Variants in SPOP observed in about 807,000 individuals in gnomAD.
SPOP encodes the protein speckle-type POZ protein.
SPOP carries 11 observed loss-of-function variants against 45.6 expected under a neutral mutation model. The observed-to-expected ratio is 0.24, with a 90% CI of 0.15 to 0.40. The LOEUF is 0.40. Among genes scored for constraint, SPOP ranks in the 10% least tolerant of loss-of-function variants. The pLI is 1.00. For missense variants in SPOP, 152 were observed against 465.6 expected (o/e 0.33, Z 6.20); for synonymous variants, 166 against 166.3 (o/e 1.00, Z 0.01).
intron 1 of SPOP, among the ~76,000 whole-genome samples, chr17:49,642,025 CA>C (rs991304404): frequency 1.1e-3 from 150 of 134,120 alleles, no homozygotes; most frequent in African/African-American, 2.3e-3. Flanking sequence ...GACTCCGCCT[CA>C]AAAAAAAAAA....
chr17:49,650,193 T>C (rs571491271), intron 1 of SPOP, among the ~76,000 whole-genome samples: 1 of 151,860 alleles, frequency 6.6e-6, no homozygotes, highest in Non-Finnish European at 1.5e-5. Context: ...ACCCAGCCCA[T>C]AGTTTACTTT....
intron 1 of SPOP, among the ~76,000 whole-genome samples, chr17:49,651,753 T>G (rs1378787816): frequency 2.0e-5 from 3 of 152,186 alleles, no homozygotes; most frequent in Admixed American, 2.0e-4. Flanking sequence ...ACACGATGGC[T>G]CATGCCTGTA....
At chr17:49,625,759 A>G (rs1164319854) in intron 1 of SPOP, among the ~76,000 whole-genome samples, 1 of 152,262 alleles carries the variant, frequency 6.6e-6, no homozygotes, top group African/African-American at 2.4e-5. Context: ...TATACGATAC[A>G]GTAAAAGTAA....
intron 1 of SPOP, among the ~76,000 whole-genome samples, chr17:49,637,936 A>C (rs2072573312): frequency 6.6e-6 from 1 of 152,236 alleles, no homozygotes; most frequent in African/African-American, 2.4e-5. Context: ...GGCTACTCAC[A>C]GGACTGATCA....
chr17:49,620,977 C>CA (rs1420187078), intron 3 of SPOP, among the ~76,000 whole-genome samples: 1 of 152,016 alleles, frequency 6.6e-6, no homozygotes, highest in Non-Finnish European at 1.5e-5. Flanking sequence ...AATATATAGC[C>CA]AAAAAATACT....
intron 1 of SPOP, among the ~76,000 whole-genome samples, chr17:49,665,963 G>C (rs1367228934): frequency 6.7e-6 from 1 of 149,574 alleles, no homozygotes; most frequent in East Asian, 1.9e-4. Flanking sequence ...TAGGCAACAG[G>C]GCGAGACTCC....
intron 1 of SPOP, among the ~76,000 whole-genome samples, chr17:49,664,207 A>ACC (rs2073024045): frequency 6.6e-6 from 1 of 152,208 alleles, no homozygotes; most frequent in South Asian, 2.1e-4. Flanking sequence ...AAGAATATGC[A>ACC]CAATTGTCTG....
At chr17:49,656,102 G>A (rs1403955428) in intron 1 of SPOP, among the ~76,000 whole-genome samples, 5 of 152,112 alleles carry the variant, frequency 3.3e-5, no homozygotes, top group African/African-American at 4.8e-5. Flanking sequence ...GTGAGCCACC[G>A]TGCCCAGCCA....
intron 1 of SPOP, among the ~76,000 whole-genome samples, chr17:49,650,955 C>T (rs2072835712): frequency 6.6e-6 from 1 of 152,180 alleles, no homozygotes; most frequent in Non-Finnish European, 1.5e-5. Flanking sequence ...GATCAAGGAA[C>T]TGAACCCCAA....
At position 49,619,169 on chromosome 17, in the gene SPOP, A is replaced by G. The variant is rs2072160424; in HGVS notation, c.353-61T>C. The G allele has an allele frequency of 2.5e-6, 4 of 1,613,552 alleles. No homozygotes were observed. Among genetic ancestry groups the G allele is most frequent in the Non-Finnish European group, 3.4e-6 (4 of 1,179,864 alleles). ...ACGCAAAAACCAGATCAAAGCCACAACTTGTCAGTGTATGAAACTTCTGGA... is the reference window on the plus strand; with the variant it reads ...ACGCAAAAACCAGATCAAAGCCACAGCTTGTCAGTGTATGAAACTTCTGGA... On this transcript the variant is annotated intron_variant, in intron 4 of 9. Transcript: ENST00000504102. The surrounding 1 kb of genome is among the most constrained non-coding windows in gnomAD (Gnocchi z 4.9).
At chr17:49,620,579 G>A (rs532046538) in intron 3 of SPOP, 1 of 153,932 alleles carries the variant, frequency 6.5e-6, no homozygotes, top group Admixed American at 6.6e-5. Context: ...AAATAAAAGA[G>A]GCAATATGAA....
At chr17:49,628,402 A>AAT in intron 1 of SPOP, among the ~76,000 whole-genome samples, 1 of 152,324 alleles carries the variant, frequency 6.6e-6, no homozygotes, top group Middle Eastern at 3.4e-3. Context: ...AACTAATAAA[A>AAT]ATCTCTAATG....
At chr17:49,677,320 A>C (rs182439258) in intron 1 of SPOP, among the ~76,000 whole-genome samples, 1 of 152,346 alleles carries the variant, frequency 6.6e-6, no homozygotes, top group East Asian at 1.9e-4. Context: ...TGACAGTTTC[A>C]AAAGAAGGGT....
chr17:49,627,022 T>C (rs2072346639), intron 1 of SPOP, among the ~76,000 whole-genome samples: 1 of 152,122 alleles, frequency 6.6e-6, no homozygotes, highest in Admixed American at 6.6e-5. Context: ...GCTAATTTTT[T>C]GTGTTTTTAG....
chr17:49,644,548 G>A (rs914422564), intron 1 of SPOP, among the ~76,000 whole-genome samples: 19 of 152,088 alleles, frequency 1.2e-4, no homozygotes, highest in Admixed American at 4.6e-4. Flanking sequence ...ATGTAATGGG[G>A]GGTAAAAAGG....
At chr17:49,603,937 G>A (rs1418376343) in intron 8 of SPOP, among the ~76,000 whole-genome samples, 1 of 152,198 alleles carries the variant, frequency 6.6e-6, no homozygotes, top group Non-Finnish European at 1.5e-5. Context: ...TAGGTTACCA[G>A]TAGGTTTTCT....
At chr17:49,639,927 T>C (rs1486540270) in intron 1 of SPOP, among the ~76,000 whole-genome samples, 2 of 152,178 alleles carry the variant, frequency 1.3e-5, no homozygotes, top group African/African-American at 4.8e-5. Context: ...ACAGTCATGC[T>C]TTGTGTATTT....
intron 1 of SPOP, chr17:49,636,218 G>C (rs997305924): frequency 2.0e-5 from 3 of 151,794 alleles, no homozygotes; most frequent in Non-Finnish European, 4.4e-5. Context: ...GGATGGTCTC[G>C]AACTCCTGAG....
intron 9 of SPOP, 39 bp downstream of exon 9, chr17:49,601,826 A>G: frequency 6.2e-7 from 1 of 1,609,472 alleles, no homozygotes; most frequent in Non-Finnish European, 8.5e-7. Flanking sequence ...TCAGCTATCC[A>G]ACTATTTTGA....
Sources: gnomAD v4.1 joint callset for allele counts (sites outside exome capture counted in the v4.1 genomes callset) on GRCh38, gnomAD v4.1.1 for gene constraint, Gnocchi (gnomAD v3.1) non-coding constraint, MANE v1.5 for transcripts, NCBI Gene and HGNC (gene_info 2026-07-23, HGNC 2026-07-21) for gene names.